The following RIMS2 variants were observed in gnomAD, a reference collection of about 807,000 sequenced individuals.
RIMS2 encodes regulating synaptic membrane exocytosis 2.
RIMS2 carries 59 observed loss-of-function variants against 174.4 expected under a neutral mutation model. The observed-to-expected ratio is 0.34, with a 90% confidence interval of 0.27 to 0.42. RIMS2 has a LOEUF of 0.42. Among genes scored for constraint, RIMS2 ranks in the 10% least tolerant of loss-of-function variants. RIMS2 has a pLI of 1.00. For synonymous variants in RIMS2, 606 were observed against 572.5 expected (o/e 1.06, Z -0.84); for missense variants, 1,620 against 1,666.3 (o/e 0.97, Z 0.48).
intron 19 of RIMS2, among the ~76,000 whole-genome samples, chr8:104,239,367 G>A (rs1303524256): frequency 6.6e-6 from 1 of 152,024 alleles, no homozygotes; most frequent in African/African-American, 2.4e-5. Context: ...GTGATGTTTT[G>A]CAGTTCAAGA....
In RIMS2 at chr8:103,600,561, A is replaced by G. The variant is rs186035828; in HGVS notation, c.177-96525A>G. 3.1e-3 allele frequency among the ~76,000 whole-genome samples: 465 copies of G among 152,230 alleles called. 2 individuals carry two copies. Among genetic ancestry groups the G allele is most frequent in the African/African-American group, 9.5e-3 (394 of 41,554 alleles). On this transcript the variant is annotated intron_variant, in intron 1 of 23. Coordinates refer to ENST00000504942, the Ensembl canonical transcript of RIMS2. ...GCTGGGATTACAGGCGTGAGCCACC[A>G]TGCCTGGCTCACATTTTCTTTATCC...
intron 19 of RIMS2, among the ~76,000 whole-genome samples, chr8:104,149,752 C>T (rs2098674229): frequency 6.6e-6 from 1 of 152,154 alleles, no homozygotes; most frequent in South Asian, 2.1e-4. Flanking sequence ...TATAAATCTA[C>T]AGCACAAAAG....
rs558141534 is a variant in RIMS2, at chr8:103,636,234, G to A, written c.177-60852G>A. ...GAGGTGCTGTGGAAGTGGGGCCTGC[G>A]GGCTGTTGCTGCTCAGTGCCCTGGA... On this transcript the variant is annotated intron_variant, in intron 1 of 23. Transcript: ENST00000504942. Among the ~76,000 whole-genome samples the A allele has an allele frequency of 3.3e-4, 50 of 152,134 alleles. 1 individual carries two copies. The highest frequency in any genetic ancestry group is 6.0e-4 in the Non-Finnish European group (41 of 68,012).
intron 1 of RIMS2, among the ~76,000 whole-genome samples, chr8:103,545,385 C>G (rs899368277): frequency 1.3e-5 from 2 of 151,974 alleles, no homozygotes; most frequent in Middle Eastern, 3.2e-3. Context: ...TGTATAGAGA[C>G]CAAATCTACA....
chr8:103,647,517 C>T (rs76161982), intron 1 of RIMS2, among the ~76,000 whole-genome samples: 9,727 of 152,108 alleles, frequency 0.064, 398 homozygotes, highest in South Asian at 0.088. Context: ...TTTATTTGTA[C>T]CTCTGGTAGA....
At chr8:103,546,901 C>T (rs1189635776) in intron 1 of RIMS2, among the ~76,000 whole-genome samples, 1 of 152,128 alleles carries the variant, frequency 6.6e-6, no homozygotes, top group Non-Finnish European at 1.5e-5. Flanking sequence ...TTTTCTCAGG[C>T]TTTGGCAAAC....
chr8:103,866,554 T>C (rs1326770389), intron 3 of RIMS2, among the ~76,000 whole-genome samples: 1 of 152,102 alleles, frequency 6.6e-6, no homozygotes, highest in Non-Finnish European at 1.5e-5. Flanking sequence ...ATTTGAACAG[T>C]CATTTCTCTT....
chr8:103,958,320 A>G (rs1161958444), intron 14 of RIMS2, among the ~76,000 whole-genome samples: 1 of 151,786 alleles, frequency 6.6e-6, no homozygotes, highest in Non-Finnish European at 1.5e-5. Flanking sequence ...ACCAAATACC[A>G]CATGTTCTCA....
intron 1 of RIMS2, among the ~76,000 whole-genome samples, chr8:103,559,997 T>G (rs2091322626): frequency 6.6e-6 from 1 of 152,222 alleles, no homozygotes; most frequent in Non-Finnish European, 1.5e-5. Flanking sequence ...TTTTATAGCA[T>G]GTAGTAAGTA....
At chr8:103,595,244 A>G (rs1014420226) in intron 1 of RIMS2, among the ~76,000 whole-genome samples, 16 of 151,956 alleles carry the variant, frequency 1.1e-4, no homozygotes, top group African/African-American at 3.9e-4. Context: ...TGAAGTGTCC[A>G]TGTTAGCAGA....
At chr8:104,132,768 G>A (rs1382880130) in intron 19 of RIMS2, among the ~76,000 whole-genome samples, 1 of 152,154 alleles carries the variant, frequency 6.6e-6, no homozygotes, top group African/African-American at 2.4e-5. Context: ...CCTGTATGTT[G>A]TTTACTAAAC....
At chr8:103,884,184 G>A (rs2099186492) in intron 3 of RIMS2, among the ~76,000 whole-genome samples, 1 of 151,732 alleles carries the variant, frequency 6.6e-6, no homozygotes, top group South Asian at 2.1e-4. Context: ...GCCAGGTTGG[G>A]TCATTCTACT....
At chr8:103,612,338 A>G (rs1005803278) in intron 1 of RIMS2, among the ~76,000 whole-genome samples, 4 of 151,978 alleles carry the variant, frequency 2.6e-5, no homozygotes, top group African/African-American at 9.7e-5. Context: ...GATGGTTTTG[A>G]TGCTTGTAGA....
intron 1 of RIMS2, among the ~76,000 whole-genome samples, chr8:103,690,245 T>G (rs998796272): frequency 6.6e-6 from 1 of 152,318 alleles, no homozygotes; most frequent in East Asian, 1.9e-4. Flanking sequence ...ATTATAGTCA[T>G]GAGCCACCGC....
intron 3 of RIMS2, among the ~76,000 whole-genome samples, chr8:103,807,024 C>A (rs1208715989): frequency 1.3e-5 from 2 of 151,958 alleles, no homozygotes; most frequent in Admixed American, 1.3e-4. Flanking sequence ...TTAAATGAGT[C>A]TGGAGTTTTA....
intron 11 of RIMS2, 44 bp from the exon 14 acceptor site, chr8:103,931,219 G>A: frequency 7.1e-7 from 1 of 1,410,732 alleles, no homozygotes; most frequent in African/African-American, 1.4e-5. Context: ...TTGTGTTTGT[G>A]TAGTAAATGT....
chr8:103,623,352 T>G (rs2095682475), intron 1 of RIMS2, among the ~76,000 whole-genome samples: 1 of 152,114 alleles, frequency 6.6e-6, no homozygotes, highest in South Asian at 2.1e-4. Flanking sequence ...TATATAAAAT[T>G]TTTTATATGT....
At chr8:103,766,871 T>C (rs2098178436) in intron 3 of RIMS2, among the ~76,000 whole-genome samples, 1 of 152,188 alleles carries the variant, frequency 6.6e-6, no homozygotes, top group Non-Finnish European at 1.5e-5. Flanking sequence ...AGACTCTTTA[T>C]AGAGGTTGGA....
chr8:103,961,470 C>A (rs1190768511), intron 15 of RIMS2, among the ~76,000 whole-genome samples: 3 of 151,946 alleles, frequency 2.0e-5, no homozygotes, highest in Non-Finnish European at 2.9e-5. Context: ...AAGATGAAAT[C>A]TTTTTTATGT....
Sources: allele counts gnomAD v4.1 joint callset (sites outside exome capture counted in the v4.1 genomes callset), GRCh38; gene constraint gnomAD v4.1.1; transcripts MANE v1.5; gene names NCBI Gene and HGNC (gene_info 2026-07-23, HGNC 2026-07-21).